The following GCNT2 variants were observed in gnomAD, a reference collection of about 807,000 sequenced individuals.
GCNT2 encodes glucosaminyl (N-acetyl) transferase 2 (I blood group), also known as N-acetyllactosaminide beta-1,6-N-acetylglucosaminyl-transferase.
Under a neutral mutation model 34.2 loss-of-function variants are expected in GCNT2, and 34 were observed. That is an observed-to-expected ratio of 1.00 (90% CI 0.76 to 1.32). The LOEUF (loss-of-function observed/expected upper bound fraction) is 1.32, where lower values mean the gene tolerates loss of function less well. Ranked by LOEUF, GCNT2 falls within the 40% of genes most tolerant of loss-of-function variation. GCNT2 has a pLI of 0.00. For synonymous variants in GCNT2, 212 were observed against 188.0 expected (o/e 1.13, Z -1.04); for missense variants, 584 against 489.4 (o/e 1.19, Z -1.82).
Position 10,627,276 on chromosome 6 carries a change from C to G in GCNT2, c.*669C>G, listed in dbSNP as rs1488949688. ...GGACCTCGGGGAATAAAACATTTCT[C>G]TCTTATATGCCAGAATGTAGGCTGG... On this transcript the variant is annotated 3_prime_UTR_variant, in exon 5 of 5. Coordinates refer to ENST00000495262, the MANE Select transcript of GCNT2 (RefSeq NM_145649.5). 2 of 152,542 alleles carry G rather than the reference C, an allele frequency of 1.3e-5. No individual in the cohort carries two copies. Among genetic ancestry groups the G allele is most frequent in the African/African-American group, 4.8e-5 (2 of 41,434 alleles). The allele number at this position is 152,542 out of a possible 1,614,324, so 9.4% of individuals were successfully genotyped here.
At chr6:10,616,972 G>A (rs1765796199) in intron 3 of GCNT2, among the ~76,000 whole-genome samples, 2 of 151,750 alleles carry the variant, frequency 1.3e-5, no homozygotes, top group South Asian at 4.1e-4. Context: ...GTCCCCACCA[G>A]ACTCAGGAGC....
At chr6:10,527,130 A>G (rs1449464230) in intron 1 of GCNT2, among the ~76,000 whole-genome samples, 1 of 152,190 alleles carries the variant, frequency 6.6e-6, no homozygotes, top group East Asian at 1.9e-4. Context: ...TGAGCATTCA[A>G]TCAATAAATA....
chr6:10,544,690 TA>T (rs1269990702), intron 3 of GCNT2, among the ~76,000 whole-genome samples: 1 of 151,684 alleles, frequency 6.6e-6, no homozygotes, highest in Admixed American at 6.6e-5. Flanking sequence ...ATGCCTGTAA[TA>T]GCAGCATTTT....
chr6:10,584,952 G>A (rs948823533), intron 3 of GCNT2, among the ~76,000 whole-genome samples: 7 of 151,684 alleles, frequency 4.6e-5, no homozygotes, highest in Non-Finnish European at 2.9e-5. Context: ...CATGTAAAAT[G>A]TCAGTCCTAG....
chr6:10,563,745 AAAAG>A (rs1178953680), intron 3 of GCNT2, among the ~76,000 whole-genome samples: 36 of 48,450 alleles, frequency 7.4e-4, no homozygotes, highest in African/African-American at 2.8e-3. Context: ...CCATCTCAAA[AAAAG>A]AAAAAAGAAA....
chr6:10,590,823 A>T (rs1457331915), intron 3 of GCNT2, among the ~76,000 whole-genome samples: 2 of 152,274 alleles, frequency 1.3e-5, no homozygotes, highest in Non-Finnish European at 2.9e-5. Context: ...AAGTGCTGGG[A>T]TTACAGGCAT....
At chr6:10,611,593 T>G (rs1765559747) in intron 3 of GCNT2, among the ~76,000 whole-genome samples, 1 of 152,100 alleles carries the variant, frequency 6.6e-6, no homozygotes, top group Non-Finnish European at 1.5e-5. Context: ...CCTCCCAAAG[T>G]GCTGGGATTA....
At chr6:10,566,193 T>C (rs1232979641) in intron 3 of GCNT2, among the ~76,000 whole-genome samples, 3 of 152,150 alleles carry the variant, frequency 2.0e-5, no homozygotes, top group Non-Finnish European at 4.4e-5. Flanking sequence ...TTTTTTTTTT[T>C]TTTAATTCAG....
chr6:10,525,308 T>C (rs1292874625), intron 1 of GCNT2, among the ~76,000 whole-genome samples: 1 of 152,188 alleles, frequency 6.6e-6, no homozygotes, highest in Non-Finnish European at 1.5e-5. Flanking sequence ...TATAAGTCTT[T>C]GCTGGTTCCC....
At chr6:10,549,563 C>CTTTTTTTTTTTT (rs33909973) in intron 3 of GCNT2, among the ~76,000 whole-genome samples, 1 of 104,300 alleles carries the variant, frequency 9.6e-6, no homozygotes, top group East Asian at 2.7e-4. Flanking sequence ...ATCTCTCTCT[C>CTTTTTTTTTTTT]TTTTTTTTTT....
chr6:10,523,763 G>C (rs1366635437), intron 1 of GCNT2, among the ~76,000 whole-genome samples: 2 of 152,042 alleles, frequency 1.3e-5, no homozygotes, highest in Non-Finnish European at 2.9e-5. Context: ...ACGAGGTCAG[G>C]AGATCGAGAC....
At position 10,557,488 on chromosome 6, in the gene GCNT2, A is replaced by ATTTTTTTTTTT. The variant is rs1561797769; in HGVS notation, c.925+27653_925+27654insTTTTTTTTTTT. The ATTTTTTTTTTT allele has an allele frequency of 3.7e-5, 25 of 674,722 alleles. No individual in the cohort carries two copies. In the South Asian group the frequency reaches 4.4e-4, roughly 12 times the overall value. The allele number at this position is 674,722 out of a possible 1,614,324, so 41.8% of individuals were successfully genotyped here. A position where few individuals can be genotyped will look rare whatever the true frequency, so the allele number is the denominator to read the frequency against. ...CCTAGTCCTTTCTAAATGCAGAAAG[A>ATTTTTTTTTTT]TGTTCTTTTTTTTTTTTGAGACTGG... On this transcript the variant is annotated intron_variant, in intron 3 of 4. Transcript: ENST00000495262.
intron 3 of GCNT2, among the ~76,000 whole-genome samples, chr6:10,608,017 AT>A (rs1253589350): frequency 6.6e-6 from 1 of 151,870 alleles, no homozygotes; most frequent in Non-Finnish European, 1.5e-5. Flanking sequence ...TAATTTATAA[AT>A]AACTTCCTTG....
chr6:10,594,307 T>C (rs552933496), intron 3 of GCNT2, among the ~76,000 whole-genome samples: 2 of 152,342 alleles, frequency 1.3e-5, no homozygotes, highest in East Asian at 3.9e-4. Flanking sequence ...CCGATTCTGT[T>C]CATTTCCAAC....
At chr6:10,585,762 A>G in intron 3 of GCNT2, 1 of 1,415,294 alleles carries the variant, frequency 7.1e-7, no homozygotes, top group Non-Finnish European at 9.2e-7. Flanking sequence ...GGGGAACTGC[A>G]GACCAAAGTG....
chr6:10,553,413 G>A (rs567853991), intron 3 of GCNT2, among the ~76,000 whole-genome samples: 16 of 152,288 alleles, frequency 1.1e-4, no homozygotes, highest in African/African-American at 3.8e-4. Context: ...GTTTTCCCCA[G>A]GTCTTTCGTA....
At chr6:10,592,109 C>A (rs1043464855) in intron 3 of GCNT2, among the ~76,000 whole-genome samples, 1 of 152,154 alleles carries the variant, frequency 6.6e-6, no homozygotes, top group Admixed American at 6.5e-5. Flanking sequence ...GTCACCAGGA[C>A]GTTCGAGTCT....
rs1162610259 is a variant in GCNT2, at chr6:10,529,996, ATG to A, written c.925+164_925+165del. On this transcript the variant is annotated intron_variant, in intron 3 of 4. Transcript: ENST00000495262. ...TCATCTGTAAAATGGTAAAATGGAG[ATG>A]TGTTATATCACCCACTCTTGTGAAC... 3 of 644,744 alleles carry A rather than the reference ATG, an allele frequency of 4.7e-6. No individual in the cohort carries two copies. In the African/African-American group the frequency reaches 5.5e-5, roughly 12 times the overall value. 39.9% of individuals were successfully genotyped at this position (644,744 alleles called of 1,614,324 possible).
At chr6:10,611,132 C>T (rs1765530957) in intron 3 of GCNT2, among the ~76,000 whole-genome samples, 1 of 151,800 alleles carries the variant, frequency 6.6e-6, no homozygotes, top group Non-Finnish European at 1.5e-5. Flanking sequence ...TGCCTGTAAT[C>T]CCAGCACTTT....
Sources: gnomAD v4.1 joint callset for allele counts (sites outside exome capture counted in the v4.1 genomes callset) on GRCh38, gnomAD v4.1.1 for gene constraint, MANE v1.5 for transcripts, NCBI Gene and HGNC (gene_info 2026-07-23, HGNC 2026-07-21) for gene names.